Variants in SYNE2 observed in about 807,000 individuals in gnomAD.
SYNE2 encodes the protein nesprin-2.
A neutral mutation model predicts 856.3 loss-of-function variants in SYNE2; 431 were observed. The ratio of observed to expected loss-of-function variants is 0.50; its 90% confidence interval spans 0.47 to 0.55. The LOEUF (loss-of-function observed/expected upper bound fraction) is 0.55, where lower values mean the gene tolerates loss of function less well. Ranked by LOEUF, SYNE2 falls within the 20% of genes least tolerant of loss-of-function variation. The probability of loss-of-function intolerance (pLI) is 0.00; values close to 1 mark genes in which losing one functional copy is unlikely to be tolerated. For missense variants in SYNE2, 8,129 were observed against 8,023.2 expected (o/e 1.01, Z -0.50); for synonymous variants, 2,923 against 2,872.3 (o/e 1.02, Z -0.56).
chr14:64,016,163 T>A (rs1308906737), intron 32 of SYNE2, among the ~76,000 whole-genome samples: 1 of 147,764 alleles, frequency 6.8e-6, no homozygotes, highest in Non-Finnish European at 1.5e-5. Flanking sequence ...ATGCAGATGC[T>A]TTTTTTGGCA....
At chr14:64,109,803 A>G (rs778354539) in intron 65 of SYNE2, among the ~76,000 whole-genome samples, 15 of 152,194 alleles carry the variant, frequency 9.9e-5, no homozygotes, top group Non-Finnish European at 1.6e-4. Flanking sequence ...AATGAGAAGG[A>G]AAGTGGGGAC....
chr14:64,147,765 A>T (rs1459782659), intron 84 of SYNE2, among the ~76,000 whole-genome samples: 1 of 152,232 alleles, frequency 6.6e-6, no homozygotes, highest in Admixed American at 6.5e-5. Flanking sequence ...ATATTCCAGA[A>T]GCAAGAGTCC....
At chr14:64,172,263 G>C (rs1187083020) in intron 94 of SYNE2, among the ~76,000 whole-genome samples, 3 of 152,178 alleles carry the variant, frequency 2.0e-5, no homozygotes, top group Non-Finnish European at 4.4e-5. Context: ...TCATCATTCT[G>C]TCTCGTCATT....
intron 1 of SYNE2, among the ~76,000 whole-genome samples, chr14:63,777,733 A>G (rs1887161566): frequency 2.0e-5 from 3 of 152,170 alleles, no homozygotes; most frequent in South Asian, 2.1e-4. Flanking sequence ...CAGTGGCTCA[A>G]TCATAGCTCA....
At chr14:63,999,619 G>A (rs1212435368) in intron 27 of SYNE2, among the ~76,000 whole-genome samples, 8 of 152,196 alleles carry the variant, frequency 5.3e-5, no homozygotes, top group Admixed American at 5.2e-4. Flanking sequence ...ACAGAAAGAA[G>A]CAATCTATTA....
intron 106 of SYNE2, 81 bp downstream of exon 106, chr14:64,214,551 A>C: frequency 1.4e-6 from 2 of 1,385,454 alleles, no homozygotes; most frequent in Non-Finnish European, 2.0e-6. Flanking sequence ...GCCAGCTCTC[A>C]ATGACCAAGA....
At chr14:63,996,768 A>C (rs2096717051) in intron 23 of SYNE2, among the ~76,000 whole-genome samples, 179 bp from the exon 24 acceptor site, 1 of 152,112 alleles carries the variant, frequency 6.6e-6, no homozygotes, top group South Asian at 2.1e-4. Context: ...ACTGAACCGG[A>C]AATTCCTTTA....
chr14:63,820,523 T>A (rs1228534541), intron 1 of SYNE2, among the ~76,000 whole-genome samples: 1 of 152,134 alleles, frequency 6.6e-6, no homozygotes, highest in Non-Finnish European at 1.5e-5. Flanking sequence ...AAACAATTCA[T>A]AAAGAAAATT....
intron 1 of SYNE2, among the ~76,000 whole-genome samples, chr14:63,789,737 C>T (rs1317900655): frequency 1.3e-5 from 2 of 151,352 alleles, no homozygotes; most frequent in African/African-American, 4.9e-5. Flanking sequence ...GAGATCGTGC[C>T]ACTGCACTCC....
At chr14:64,077,786 CATTT>C (rs1406875560) in intron 54 of SYNE2, among the ~76,000 whole-genome samples, 1 of 152,090 alleles carries the variant, frequency 6.6e-6, no homozygotes, top group Non-Finnish European at 1.5e-5. Context: ...ATTCAACATT[CATTT>C]ATTATCTTTC....
intron 1 of SYNE2, among the ~76,000 whole-genome samples, chr14:63,795,249 G>A (rs1389282154): frequency 1.3e-5 from 2 of 151,998 alleles, no homozygotes; most frequent in Non-Finnish European, 2.9e-5. Flanking sequence ...TAATCTGGGT[G>A]GGCACCATCT....
chr14:63,944,786 T>C (rs1025410917), intron 6 of SYNE2, among the ~76,000 whole-genome samples: 22 of 146,228 alleles, frequency 1.5e-4, no homozygotes, highest in African/African-American at 4.3e-4. Context: ...CCCAAAGTGC[T>C]GGGATTACAG....
intron 109 of SYNE2, 137 bp from the exon 110 acceptor site, chr14:64,219,071 C>G (rs969837765): frequency 1.3e-6 from 1 of 792,368 alleles, no homozygotes; most frequent in African/African-American, 1.8e-5. Flanking sequence ...AAAACCAGAC[C>G]CTTCTGTCAG....
chr14:63,769,406 C>T lies in SYNE2; in HGVS notation c.-305+7420C>T, dbSNP rs146165414. On this transcript the variant is annotated intron_variant, in intron 1 of 23. Coordinates refer to the SYNE2 transcript ENST00000674003. Reference sequence around the variant, plus strand: ...CCTGGAGACCAGGCACAGTGGCTCACGCCTGTAATCCCGCACTTTGGGAGG... The same window carrying T: ...CCTGGAGACCAGGCACAGTGGCTCATGCCTGTAATCCCGCACTTTGGGAGG... Among the ~76,000 whole-genome samples the T allele has an allele frequency of 3.1e-3, 471 of 152,224 alleles. 1 individual carries two copies. Among genetic ancestry groups the T allele is most frequent in the African/African-American group, 0.011 (453 of 41,540 alleles).
At chr14:63,790,828 G>A (rs1029524802) in intron 1 of SYNE2, among the ~76,000 whole-genome samples, 1 of 152,008 alleles carries the variant, frequency 6.6e-6, no homozygotes, top group African/African-American at 2.4e-5. Context: ...TCCTCCTAAT[G>A]GAAACTTCAT....
chr14:64,120,991 T>C lies in SYNE2; in HGVS notation c.13088T>C (p.Leu4363Pro). The C allele has an allele frequency of 6.2e-7, 1 of 1,614,164 alleles. No homozygotes were observed. The highest frequency in any genetic ancestry group is 8.5e-7 in the Non-Finnish European group (1 of 1,180,014). ...EHQEALQPVN[L>P]SELESIVTER... ...CAAGAAGCTCTCCAACCAGTTAACC[T>C]TTCTGAATTGGAATCCATTGTAACT... The change falls in exon 68 of 116, where the codon CTT becomes CCT. Residue 4363 changes from leucine to proline, a missense_variant. Physicochemically the swap from Leu to Pro is moderately conservative, Grantham distance 98 (BLOSUM62 -3). Transcript: ENST00000555002.
chr14:64,216,410 G>A (rs774729844), intron 108 of SYNE2, 23 bp downstream of exon 108: 3 of 1,612,402 alleles, frequency 1.9e-6, no homozygotes, highest in Non-Finnish European at 2.5e-6. Context: ...TTCACTGGGA[G>A]TACAGCCTAT....
At chr14:63,840,548 C>A (rs1456192026) in intron 1 of SYNE2, among the ~76,000 whole-genome samples, 4 of 147,350 alleles carry the variant, frequency 2.7e-5, no homozygotes, top group Non-Finnish European at 6.0e-5. Context: ...CACTATATTG[C>A]CAGGCTGGCC....
At chr14:63,791,962 A>C in intron 1 of SYNE2, among the ~76,000 whole-genome samples, 1 of 148,370 alleles carries the variant, frequency 6.7e-6, no homozygotes, top group Non-Finnish European at 1.5e-5. Context: ...AAACAAAAAC[A>C]AAACTTAAAA....
Sources: gnomAD v4.1 joint callset for allele counts (sites outside exome capture counted in the v4.1 genomes callset) on GRCh38, gnomAD v4.1.1 for gene constraint, MANE v1.5 for transcripts, NCBI Gene and HGNC (gene_info 2026-07-23, HGNC 2026-07-21) for gene names.